DIAPH2: variants seen among roughly 807,000 people sequenced by gnomAD.
DIAPH2 encodes protein diaphanous homolog 2.
DIAPH2 carries 35 observed loss-of-function variants against 92.7 expected under a neutral mutation model. That is an observed-to-expected ratio of 0.38 (90% confidence interval 0.29 to 0.50). DIAPH2 has a LOEUF of 0.50. DIAPH2 is among the 20% of genes least tolerant of loss of function. DIAPH2 has a pLI of 0.94. For synonymous variants in DIAPH2, 301 were observed against 280.4 expected (o/e 1.07, Z -0.73); for missense variants, 701 against 819.5 (o/e 0.86, Z 1.77).
At chrX:97,344,371 C>G (rs1381292817) in intron 23 of DIAPH2, among the ~76,000 whole-genome samples, 5 of 112,154 alleles carry the variant, frequency 4.5e-5, no homozygotes, top group East Asian at 5.6e-4. Flanking sequence ...GATTGTGCCA[C>G]TGCACTCCAG....
intron 26 of DIAPH2, among the ~76,000 whole-genome samples, chrX:97,494,112 T>C (rs992951756): frequency 1.3e-4 from 5 of 38,006 alleles, no homozygotes; most frequent in Admixed American, 4.5e-4. Flanking sequence ...TATATATTTA[T>C]ATATATGTAT....
Position 96,962,350 on chromosome X carries a change from T to C in DIAPH2, c.1936-2743T>C, listed in dbSNP as rs867242228. ...ACATATATATATACATATATATATA[T>C]ACACATATATATATACACATATATA... is the stretch of plus-strand genomic sequence containing the variant. On this transcript the variant is annotated intron_variant, in intron 16 of 26. Coordinates refer to ENST00000324765, the MANE Select transcript of DIAPH2 (RefSeq NM_006729.5). 1.7e-3 allele frequency among the ~76,000 whole-genome samples: 111 copies of C among 64,356 alleles called. 5 individuals carry two copies. The highest frequency in any genetic ancestry group is 6.2e-3 in the African/African-American group (83 of 13,351). The allele number at this position is 64,356 out of a possible 115,157, so 55.9% of individuals were successfully genotyped here.
In DIAPH2 at chrX:97,278,451, C is replaced by T. The variant is rs556720636; in HGVS notation, c.2844+30612C>T. On this transcript the variant is annotated intron_variant, in intron 23 of 26. Coordinates refer to ENST00000324765, the MANE Select transcript of DIAPH2 (RefSeq NM_006729.5). ...AGCATTATACAGAATAGTTTACTGCCCTAAAAATCCCCTATGCTCTACCTT... is the reference window on the plus strand; with the variant it reads ...AGCATTATACAGAATAGTTTACTGCTCTAAAAATCCCCTATGCTCTACCTT... Among the ~76,000 whole-genome samples the T allele has an allele frequency of 2.7e-4, 30 of 110,963 alleles. No individual in the cohort carries two copies. The Middle Eastern group carries it at 0.014, about 51-fold the overall frequency.
chrX:96,859,655 T>C (rs2065061287), intron 4 of DIAPH2, among the ~76,000 whole-genome samples: 1 of 108,091 alleles, frequency 9.3e-6, no homozygotes, highest in Admixed American at 1.0e-4. Context: ...ATTTATTTAT[T>C]TTTTGAGAGG....
At chrX:97,282,034 GAAAA>G (rs1387944018) in intron 23 of DIAPH2, among the ~76,000 whole-genome samples, 1 of 108,157 alleles carries the variant, frequency 9.2e-6, no homozygotes, top group Non-Finnish European at 1.9e-5. Flanking sequence ...AAGAAAAAAA[GAAAA>G]AAAAAGCATT....
intron 26 of DIAPH2, among the ~76,000 whole-genome samples, chrX:97,473,125 T>C (rs2070576378): frequency 9.0e-6 from 1 of 111,715 alleles, no homozygotes; most frequent in Non-Finnish European, 1.9e-5. Context: ...TTTAGCCCTT[T>C]ATTATGTGCA....
At chrX:97,333,426 T>C (rs1399043663) in intron 23 of DIAPH2, among the ~76,000 whole-genome samples, 1 of 111,788 alleles carries the variant, frequency 8.9e-6, no homozygotes, top group African/African-American at 3.3e-5. Flanking sequence ...TCTCAAGTTC[T>C]GATAAAACAC....
At chrX:96,899,215 T>A (rs1382899509) in intron 5 of DIAPH2, among the ~76,000 whole-genome samples, 1 of 107,613 alleles carries the variant, frequency 9.3e-6, no homozygotes, top group Non-Finnish European at 1.9e-5. Context: ...TGTGGGCTCT[T>A]TTTTGGTTCC....
At chrX:97,052,726 T>C (rs1198849055) in intron 17 of DIAPH2, among the ~76,000 whole-genome samples, 2 of 110,956 alleles carry the variant, frequency 1.8e-5, no homozygotes, top group African/African-American at 6.5e-5. Context: ...CAATAGGGTA[T>C]AGGGAAGAGT....
intron 25 of DIAPH2, among the ~76,000 whole-genome samples, chrX:97,390,736 A>T (rs2069651094): frequency 9.0e-6 from 1 of 111,120 alleles, no homozygotes; most frequent in Admixed American, 9.6e-5. Flanking sequence ...TTCTTCCCTG[A>T]TTAATTTTTA....
intron 22 of DIAPH2, among the ~76,000 whole-genome samples, chrX:97,185,478 T>C (rs1420445230): frequency 0.019 from 57 of 2,950 alleles, 4 homozygotes; most frequent in East Asian, 0.037. Flanking sequence ...TATACACATA[T>C]ATATATATAT....
chrX:97,274,887 A>G (rs2068425683), intron 23 of DIAPH2, among the ~76,000 whole-genome samples: 2 of 111,038 alleles, frequency 1.8e-5, no homozygotes, highest in Admixed American at 9.6e-5. Flanking sequence ...AACAAAGCCC[A>G]TCTTGCACCG....
chrX:97,257,377 G>A (rs1252302967), intron 23 of DIAPH2, among the ~76,000 whole-genome samples: 1 of 111,775 alleles, frequency 8.9e-6, no homozygotes, highest in Non-Finnish European at 1.9e-5. Flanking sequence ...ATAGGACCTA[G>A]TCACAAACTG....
Position 97,017,328 on chromosome X carries a change from G to A in DIAPH2, c.2050+52121G>A, listed in dbSNP as rs774883356. Reference sequence around the variant, plus strand: ...TTTTTCTCCTTTGTTTGATGGTAGTGAGAGAAGAACACTACTTTTTGGAAG... The same window carrying A: ...TTTTTCTCCTTTGTTTGATGGTAGTAAGAGAAGAACACTACTTTTTGGAAG... On this transcript the variant is annotated intron_variant, in intron 17 of 26. Transcript: ENST00000324765. Among the ~76,000 whole-genome samples, 4 of 111,683 alleles carry A rather than the reference G, an allele frequency of 3.6e-5. No individual in the cohort carries two copies. In the East Asian group the frequency reaches 1.1e-3, roughly 31 times the overall value.
chrX:97,243,456 A>G (rs1388432365), intron 22 of DIAPH2, among the ~76,000 whole-genome samples: 1 of 108,323 alleles, frequency 9.2e-6, no homozygotes, highest in African/African-American at 3.5e-5. Flanking sequence ...ATCTCCTTTA[A>G]TGTCACTTTT....
At chrX:97,365,876 A>G (rs1046546484) in intron 24 of DIAPH2, among the ~76,000 whole-genome samples, 5 of 108,983 alleles carry the variant, frequency 4.6e-5, no homozygotes, top group Admixed American at 2.0e-4. Flanking sequence ...TAATTTTTGT[A>G]TTTTTAGTAG....
intron 3 of DIAPH2, among the ~76,000 whole-genome samples, chrX:96,750,018 A>G (rs2064176905): frequency 9.1e-6 from 1 of 109,817 alleles, no homozygotes; most frequent in African/African-American, 3.3e-5. Context: ...ACTTTTTGTA[A>G]ATGAAAAATG....
At chrX:96,739,039 C>G (rs1361492360) in intron 3 of DIAPH2, among the ~76,000 whole-genome samples, 1 of 111,111 alleles carries the variant, frequency 9.0e-6, no homozygotes, top group Non-Finnish European at 1.9e-5. Context: ...TCTAGGACAT[C>G]GAGTCAGTTT....
chrX:97,094,497 A>G (rs1181712776), intron 19 of DIAPH2, among the ~76,000 whole-genome samples: 1 of 112,183 alleles, frequency 8.9e-6, no homozygotes, highest in African/African-American at 3.2e-5. Context: ...TTTTGAAAAT[A>G]GTGACTGCAT....
Sources: allele counts gnomAD v4.1 joint callset (sites outside exome capture counted in the v4.1 genomes callset), GRCh38; gene constraint gnomAD v4.1.1; transcripts MANE v1.5; gene names NCBI Gene and HGNC (gene_info 2026-07-23, HGNC 2026-07-21).